The following NKAIN3 variants were observed in gnomAD, a reference collection of about 807,000 sequenced individuals.
NKAIN3 encodes sodium/potassium transporting ATPase interacting 3.
In NKAIN3, 25 loss-of-function variants were observed where a neutral mutation model predicts 30.2. The observed-to-expected ratio is 0.83, with a 90% CI of 0.60 to 1.16. The LOEUF is 1.16. NKAIN3 is among the 50% of genes most tolerant of loss of function. NKAIN3 has a pLI of 0.00. For missense variants in NKAIN3, 225 were observed against 254.1 expected, an observed-to-expected ratio of 0.89 and a Z score of 0.78; for synonymous variants, 91 against 89.6, an observed-to-expected ratio of 1.02 and a Z score of -0.09.
chr8:62,739,799 A>T (rs925007150), intron 3 of NKAIN3, among the ~76,000 whole-genome samples: 4 of 152,206 alleles, frequency 2.6e-5, no homozygotes, highest in Admixed American at 6.5e-5. Flanking sequence ...AGTTGTAAAG[A>T]TAAGAAAGAG....
At chr8:62,908,857 G>A (rs546011738) in intron 4 of NKAIN3, among the ~76,000 whole-genome samples, 1 of 152,266 alleles carries the variant, frequency 6.6e-6, no homozygotes, top group East Asian at 1.9e-4. Context: ...CATTCCTTAA[G>A]GATTCTTTTA....
rs73683198 is a variant in NKAIN3, at chr8:62,702,437, C to G, written c.274-44495C>G. Among the ~76,000 whole-genome samples, 1,503 of 152,220 alleles carry G rather than the reference C, an allele frequency of 9.9e-3. 24 individuals carry two copies. Among genetic ancestry groups the G allele is most frequent in the African/African-American group, 0.034 (1,424 of 41,536 alleles). On this transcript the variant is annotated intron_variant, in intron 3 of 6. Coordinates refer to ENST00000623646, the MANE Select transcript of NKAIN3 (RefSeq NM_001304533.3). ...ATGGAGATTACGGACGTTACAGAAG[C>G]ATATGTTTGGTTATTACAATCTTGA...
chr8:62,463,725 T>A lies in NKAIN3; in HGVS notation c.55-115814T>A, dbSNP rs563698562. ...AAAATCCCCAGTGGCTACCTGAAAC[T>A]GTATATAACACCAGACTCTCTCTAT... On this transcript the variant is annotated intron_variant, in intron 1 of 6. Transcript: ENST00000623646. Among the ~76,000 whole-genome samples, 6 of 152,340 alleles carry A rather than the reference T, an allele frequency of 3.9e-5. No individual in the cohort carries two copies. The South Asian group carries it at 1.2e-3, about 32-fold the overall frequency.
intron 5 of NKAIN3, among the ~76,000 whole-genome samples, chr8:62,927,473 G>T (rs890666317): frequency 6.6e-6 from 1 of 152,172 alleles, no homozygotes; most frequent in East Asian, 1.9e-4. Flanking sequence ...ATAGCTAGAT[G>T]AGAATATTTT....
chr8:62,963,953 C>A (rs1823638378), intron 6 of NKAIN3, among the ~76,000 whole-genome samples: 1 of 152,102 alleles, frequency 6.6e-6, no homozygotes, highest in South Asian at 2.1e-4. Flanking sequence ...CCAAAGAGTT[C>A]ACTCCAAGGC....
chr8:62,320,132 T>G (rs1165478299), intron 1 of NKAIN3, among the ~76,000 whole-genome samples: 2 of 152,218 alleles, frequency 1.3e-5, no homozygotes, highest in Admixed American at 1.3e-4. Context: ...AAAGTCTGTT[T>G]TGTCAGAGAC....
intron 1 of NKAIN3, among the ~76,000 whole-genome samples, chr8:62,542,757 A>G (rs1336417224): frequency 6.6e-6 from 1 of 152,218 alleles, no homozygotes; most frequent in African/African-American, 2.4e-5. Context: ...CCTACAATCA[A>G]ACATAAGAAA....
At position 62,981,250 on chromosome 8, in the gene NKAIN3, G is replaced by A. The variant is rs979514660; in HGVS notation, c.*15843G>A. 6.6e-6 allele frequency: 1 copy of A among 152,054 alleles called. No individual in the cohort carries two copies. The highest frequency in any genetic ancestry group is 1.5e-5 in the Non-Finnish European group (1 of 68,012). The allele number at this position is 152,054 out of a possible 1,614,324, so 9.4% of individuals were successfully genotyped here. Reference sequence around the variant, plus strand: ...TAATAATTACAACCTTTAAGAAAATGGAGAGTTTTCATTAAAGGGCCCCTG... The same window carrying A: ...TAATAATTACAACCTTTAAGAAAATAGAGAGTTTTCATTAAAGGGCCCCTG... On this transcript the variant is annotated 3_prime_UTR_variant, in exon 7 of 7. Transcript: ENST00000623646.
intron 1 of NKAIN3, among the ~76,000 whole-genome samples, chr8:62,363,939 T>A (rs6987976): frequency 0.034 from 5,112 of 152,306 alleles, 327 homozygotes; most frequent in African/African-American, 0.12. Flanking sequence ...CTTTCTATTG[T>A]GCAATACAGA....
chr8:62,387,963 T>C (rs1419454923), intron 1 of NKAIN3, among the ~76,000 whole-genome samples: 1 of 152,222 alleles, frequency 6.6e-6, no homozygotes, highest in Non-Finnish European at 1.5e-5. Flanking sequence ...TTTTTAAAAA[T>C]TCATTTTCAA....
chr8:62,639,299 C>T (rs1423587407), intron 3 of NKAIN3, among the ~76,000 whole-genome samples: 1 of 152,172 alleles, frequency 6.6e-6, no homozygotes, highest in African/African-American at 2.4e-5. Context: ...AGAGAGGTGG[C>T]CAACCATGTC....
chr8:62,685,879 C>T (rs1813786117), intron 3 of NKAIN3, among the ~76,000 whole-genome samples: 1 of 152,170 alleles, frequency 6.6e-6, no homozygotes, highest in Non-Finnish European at 1.5e-5. Context: ...TGTCTAATCC[C>T]ATCCCCTTCC....
rs540741609 is a variant in NKAIN3 at position 62,298,106 on chromosome 8, A to G, written c.54+48979A>G. On this transcript the variant is annotated intron_variant, in intron 1 of 6. Transcript: ENST00000623646. ...CCAAACACCACATATTCTCACTCAT[A>G]GGTGGGAATTGAACAATGAGATCAC... Among the ~76,000 whole-genome samples the G allele has an allele frequency of 2.8e-5, 4 of 144,538 alleles. No homozygotes were observed. In the East Asian group the frequency reaches 6.4e-4, roughly 23 times the overall value. 94.8% of individuals were successfully genotyped at this position (144,538 alleles called of 152,430 possible). A position where few individuals can be genotyped will look rare whatever the true frequency, so the allele number is the denominator to read the frequency against.
chr8:62,594,378 G>A (rs1810755783), intron 3 of NKAIN3, among the ~76,000 whole-genome samples: 1 of 151,852 alleles, frequency 6.6e-6, no homozygotes, highest in South Asian at 2.1e-4. Context: ...CTGCCAAGAG[G>A]GACTCCACAC....
chr8:62,805,599 A>C (rs1229732503), intron 4 of NKAIN3, among the ~76,000 whole-genome samples: 1 of 152,188 alleles, frequency 6.6e-6, no homozygotes, highest in Non-Finnish European at 1.5e-5. Flanking sequence ...GGCTAGCCAT[A>C]TGTAGAAAGC....
intron 1 of NKAIN3, among the ~76,000 whole-genome samples, chr8:62,509,579 T>C (rs1430221414): frequency 6.6e-6 from 1 of 152,146 alleles, no homozygotes; most frequent in Non-Finnish European, 1.5e-5. Flanking sequence ...AGCATCCAAG[T>C]GCCAAGTGTA....
chr8:62,579,426 C>CA (rs1396626464), intron 1 of NKAIN3, 113 bp from the exon 2 acceptor site: 1 of 737,630 alleles, frequency 1.4e-6, no homozygotes, highest in Non-Finnish European at 2.1e-6. Context: ...ATAACGGTGA[C>CA]AAAAAGTGTG....
intron 3 of NKAIN3, among the ~76,000 whole-genome samples, chr8:62,609,908 A>G (rs1444015288): frequency 1.3e-5 from 2 of 151,170 alleles, no homozygotes; most frequent in East Asian, 3.9e-4. Flanking sequence ...TGTAGGTCAT[A>G]ACATGATTTG....
intron 1 of NKAIN3, among the ~76,000 whole-genome samples, chr8:62,358,728 G>C (rs569759525): frequency 6.6e-6 from 1 of 152,026 alleles, no homozygotes; most frequent in Non-Finnish European, 1.5e-5. Flanking sequence ...TTGTGTAAGT[G>C]GCTCACATTT....
Sources: allele counts gnomAD v4.1 joint callset (sites outside exome capture counted in the v4.1 genomes callset), GRCh38; gene constraint gnomAD v4.1.1; transcripts MANE v1.5; gene names NCBI Gene and HGNC (gene_info 2026-07-23, HGNC 2026-07-21).